Variants in PDE4D observed in about 807,000 individuals in gnomAD.
PDE4D encodes the protein phosphodiesterase 4D.
PDE4D carries 24 observed loss-of-function variants against 87.4 expected under a neutral mutation model. That is an observed-to-expected ratio of 0.27 (90% CI 0.20 to 0.39). PDE4D has a LOEUF of 0.39. PDE4D is among the 10% of genes least tolerant of loss of function. The pLI is 1.00. For missense variants in PDE4D, 714 were observed against 1,041.0 expected (o/e 0.69, Z 4.32); for synonymous variants, 384 against 383.2 (o/e 1.00, Z -0.02).
intron 1 of PDE4D, among the ~76,000 whole-genome samples, chr5:59,483,619 G>A (rs1356266213): frequency 6.6e-6 from 1 of 152,148 alleles, no homozygotes; most frequent in African/African-American, 2.4e-5. Context: ...ACTTTCCTCT[G>A]TTTTGTGTGG....
intron 1 of PDE4D, among the ~76,000 whole-genome samples, chr5:59,302,744 T>C (rs1770518378): frequency 6.6e-6 from 1 of 152,180 alleles, no homozygotes; most frequent in Non-Finnish European, 1.5e-5. Context: ...TTTCATTGTA[T>C]ATATATCTGT....
Position 59,148,331 on chromosome 5 carries a change from G to A in PDE4D, c.808+32264C>T, listed in dbSNP as rs182623207. ...TAAGATTTTCAGTGGAACTTGAGAG[G>A]ACTTTTCATTTTTCTTTTTACTATA... On this transcript the variant is annotated intron_variant, in intron 5 of 14. Coordinates refer to ENST00000340635, the MANE Select transcript of PDE4D (RefSeq NM_001104631.2). 6.6e-5 allele frequency among the ~76,000 whole-genome samples: 10 copies of A among 152,254 alleles called. No individual in the cohort carries two copies. The East Asian group carries it at 1.9e-3, about 29-fold the overall frequency.
Position 59,428,019 on chromosome 5 carries a change from G to A in PDE4D, c.456-212051C>T, listed in dbSNP as rs188404926. On this transcript the variant is annotated intron_variant, in intron 1 of 14. Coordinates refer to ENST00000340635, the MANE Select transcript of PDE4D (RefSeq NM_001104631.2). Reference sequence around the variant, plus strand: ...CACAGATGGTAGGGTTGTCATTCTCGTCAACATTGAGTTTACTTAAGATTT... The same window carrying A: ...CACAGATGGTAGGGTTGTCATTCTCATCAACATTGAGTTTACTTAAGATTT... Among the ~76,000 whole-genome samples, 661 of 152,150 alleles carry A rather than the reference G, an allele frequency of 4.3e-3. 6 individuals are homozygous for A. Among genetic ancestry groups the A allele is most frequent in the South Asian group, 0.026 (123 of 4,816 alleles).
At chr5:59,030,227 T>A (rs1217276290) in intron 6 of PDE4D, among the ~76,000 whole-genome samples, 1 of 151,626 alleles carries the variant, frequency 6.6e-6, no homozygotes, top group Non-Finnish European at 1.5e-5. Context: ...AGCAACCAAA[T>A]AATAGAGTGA....
At chr5:59,043,715 C>G (rs1210961252) in intron 5 of PDE4D, among the ~76,000 whole-genome samples, 1 of 151,954 alleles carries the variant, frequency 6.6e-6, no homozygotes, top group African/African-American at 2.4e-5. Flanking sequence ...TTCCCCCCAC[C>G]CCACAGCAGG....
chr5:60,410,296 G>A (rs1741937385), intron 1 of PDE4D, among the ~76,000 whole-genome samples: 2 of 151,966 alleles, frequency 1.3e-5, no homozygotes. Flanking sequence ...CTATGCCTAT[G>A]GGTCCAGACT....
chr5:59,219,643 C>T (rs1752029348), intron 1 of PDE4D, among the ~76,000 whole-genome samples: 1 of 151,994 alleles, frequency 6.6e-6, no homozygotes, highest in South Asian at 2.1e-4. Context: ...CTAGAAAGCA[C>T]TAAAGTCTAG....
At chr5:59,817,121 A>C (rs1769060120) in intron 1 of PDE4D, among the ~76,000 whole-genome samples, 1 of 152,206 alleles carries the variant, frequency 6.6e-6, no homozygotes. Flanking sequence ...GATGGGCTCC[A>C]GAGGATGATA....
At chr5:60,216,796 A>T (rs2149586959) in intron 1 of PDE4D, among the ~76,000 whole-genome samples, 1 of 152,236 alleles carries the variant, frequency 6.6e-6, no homozygotes, top group East Asian at 1.9e-4. Context: ...TATGAAGCAA[A>T]AACTGACAGA....
Position 59,189,253 on chromosome 5 carries a change from G to GTTTTTTTTTTTT in PDE4D, c.685-4003_685-3992dup, listed in dbSNP as rs5868167. Among the ~76,000 whole-genome samples, 75 of 120,804 alleles carry GTTTTTTTTTTTT rather than the reference G, an allele frequency of 6.2e-4. 1 individual carries two copies. Among genetic ancestry groups the GTTTTTTTTTTTT allele is most frequent in the South Asian group, 1.1e-3 (4 of 3,790 alleles). The allele number at this position is 120,804 out of a possible 152,430, so 79.3% of individuals were successfully genotyped here. A position where few individuals can be genotyped will look rare whatever the true frequency, so the allele number is the denominator to read the frequency against. On this transcript the variant is annotated intron_variant, in intron 3 of 14. Coordinates refer to ENST00000340635, the MANE Select transcript of PDE4D (RefSeq NM_001104631.2). ...CCCCGTTTTTTTTTTTGTTTTTTTT[G>GTTTTTTTTTTTT]TTTTTTTTTTTTTGAGACGGAGTTT... is the stretch of plus-strand genomic sequence containing the variant.
intron 5 of PDE4D, chr5:59,125,096 A>G (rs1775180966): frequency 6.0e-6 from 1 of 165,888 alleles, no homozygotes; most frequent in African/African-American, 2.4e-5. Flanking sequence ...TGTACTACAA[A>G]TTTGTGTAAC....
At chr5:60,020,781 T>C (rs1765986073) in intron 2 of PDE4D, among the ~76,000 whole-genome samples, 1 of 152,092 alleles carries the variant, frequency 6.6e-6, no homozygotes, top group Non-Finnish European at 1.5e-5. Context: ...GCCTAACAAA[T>C]TGTGAGGAAA....
chr5:58,978,439 A>G (rs1246230474), intron 11 of PDE4D, among the ~76,000 whole-genome samples: 1 of 152,162 alleles, frequency 6.6e-6, no homozygotes, highest in Non-Finnish European at 1.5e-5. Flanking sequence ...AAGAAAAGAA[A>G]AAGGTTAAAA....
chr5:60,453,111 T>C (rs1333996433), intron 1 of PDE4D, among the ~76,000 whole-genome samples: 1 of 152,150 alleles, frequency 6.6e-6, no homozygotes, highest in African/African-American at 2.4e-5. Context: ...ATCCATCTGA[T>C]TGCAGCTCAG....
At chr5:59,620,364 T>C (rs975229391) in intron 1 of PDE4D, among the ~76,000 whole-genome samples, 7 of 152,104 alleles carry the variant, frequency 4.6e-5, no homozygotes, top group Non-Finnish European at 7.4e-5. Context: ...AGGAGAACAA[T>C]GAAGGGTTAG....
At chr5:60,050,168 A>G (rs1379854089) in intron 2 of PDE4D, among the ~76,000 whole-genome samples, 1 of 152,082 alleles carries the variant, frequency 6.6e-6, no homozygotes, top group African/African-American at 2.4e-5. Flanking sequence ...TAGGAAAGGG[A>G]ACTCCCTGAC....
intron 2 of PDE4D, among the ~76,000 whole-genome samples, chr5:60,007,018 AT>A (rs1764561369): frequency 6.6e-6 from 1 of 151,912 alleles, no homozygotes; most frequent in South Asian, 2.1e-4. Flanking sequence ...TTATAAAGAA[AT>A]TTTTCATCTT....
chr5:59,823,730 G>T (rs767644720), intron 1 of PDE4D, among the ~76,000 whole-genome samples: 4 of 151,528 alleles, frequency 2.6e-5, no homozygotes, highest in Non-Finnish European at 5.9e-5. Context: ...CTTGAGCCCT[G>T]CCTACTTTTC....
chr5:59,067,851 TTTTC>T (rs1382239757), intron 5 of PDE4D, among the ~76,000 whole-genome samples: 1 of 152,316 alleles, frequency 6.6e-6, no homozygotes. Context: ...GGACATGGAC[TTTTC>T]TTTATTTCTA....
Sources: allele counts gnomAD v4.1 joint callset (sites outside exome capture counted in the v4.1 genomes callset), GRCh38; gene constraint gnomAD v4.1.1; transcripts MANE v1.5; gene names NCBI Gene and HGNC (gene_info 2026-07-23, HGNC 2026-07-21).